The following EIF4G3 variants were observed in gnomAD, a reference collection of about 807,000 sequenced individuals.
EIF4G3 encodes the protein eIF-4-gamma 3.
EIF4G3 carries 34 observed loss-of-function variants against 186.4 expected under a neutral mutation model. The ratio of observed to expected loss-of-function variants is 0.18; its 90% CI spans 0.14 to 0.24. EIF4G3 has a LOEUF of 0.24. EIF4G3 is among the 10% of genes least tolerant of loss of function. The pLI is 1.00. For missense variants in EIF4G3, 1,536 were observed against 1,948.5 expected (o/e 0.79, Z 3.99); for synonymous variants, 673 against 679.5 (o/e 0.99, Z 0.15).
chr1:21,048,303 C>T (rs1323515817), intron 4 of EIF4G3, among the ~76,000 whole-genome samples: 1 of 152,146 alleles, frequency 6.6e-6, no homozygotes, highest in Non-Finnish European at 1.5e-5. Flanking sequence ...TGCCAGTTAT[C>T]AACTGCTTGT....
At chr1:21,175,112 C>T (rs1373701683) in intron 2 of EIF4G3, 7 of 152,196 alleles carry the variant, frequency 4.6e-5, no homozygotes, top group African/African-American at 1.7e-4. Context: ...AAACACAACA[C>T]ATCTAACATC....
chr1:21,113,517 T>C (rs1037029235), intron 2 of EIF4G3, among the ~76,000 whole-genome samples: 1 of 152,154 alleles, frequency 6.6e-6, no homozygotes, highest in Non-Finnish European at 1.5e-5. Flanking sequence ...TGATAGTTTT[T>C]AAAACTTAGG....
intron 29 of EIF4G3, among the ~76,000 whole-genome samples, chr1:20,844,139 G>C (rs929890488): frequency 1.3e-5 from 2 of 152,112 alleles, no homozygotes; most frequent in African/African-American, 4.8e-5. Flanking sequence ...GTCTTTATAA[G>C]AGAACAATTT....
chr1:20,939,015 G>A (rs967266117), intron 14 of EIF4G3, among the ~76,000 whole-genome samples: 10 of 151,678 alleles, frequency 6.6e-5, no homozygotes, highest in Admixed American at 2.6e-4. Context: ...GCTGAGGCAG[G>A]AGAATTGCTT....
At chr1:21,121,580 G>C (rs1287229963) in intron 2 of EIF4G3, among the ~76,000 whole-genome samples, 2 of 152,006 alleles carry the variant, frequency 1.3e-5, no homozygotes, top group Admixed American at 1.3e-4. Flanking sequence ...TTCAAGACCA[G>C]CCTGGCCAAC....
rs74058833 is a variant in EIF4G3, at chr1:21,154,644, A to G, written c.-272+21531T>C. 2.9e-3 allele frequency among the ~76,000 whole-genome samples: 435 copies of G among 152,336 alleles called. 5 individuals are homozygous for G. The highest frequency in any genetic ancestry group is 0.01 in the African/African-American group (423 of 41,582). ...ATATCCAACGGTTCATCTGAGCATTATACCCTGAACACAAATAGAAGTTCC... is the reference window on the plus strand; with the variant it reads ...ATATCCAACGGTTCATCTGAGCATTGTACCCTGAACACAAATAGAAGTTCC... On this transcript the variant is annotated intron_variant, in intron 2 of 36. Coordinates refer to ENST00000602326, the MANE Select transcript of EIF4G3 (RefSeq NM_001391906.1).
At chr1:20,874,710 A>C (rs917582814) in intron 20 of EIF4G3, among the ~76,000 whole-genome samples, 1 of 152,314 alleles carries the variant, frequency 6.6e-6, no homozygotes, top group East Asian at 1.9e-4. Context: ...AAAGATTATA[A>C]ATTTTAACAG....
intron 11 of EIF4G3, 120 bp from the exon 12 acceptor site, chr1:20,969,716 A>G (rs1318745403): frequency 2.3e-6 from 2 of 859,208 alleles, no homozygotes; most frequent in Admixed American, 2.6e-5. Context: ...GGTGATAATC[A>G]CCACATTTGA....
At chr1:20,948,680 T>A (rs186110644) in intron 13 of EIF4G3, among the ~76,000 whole-genome samples, 39 of 152,198 alleles carry the variant, frequency 2.6e-4, no homozygotes, top group African/African-American at 8.9e-4. Context: ...ATTAAATATA[T>A]CTATTTTATG....
chr1:20,940,925 ACT>A (rs2095688121), intron 14 of EIF4G3, among the ~76,000 whole-genome samples: 1 of 152,154 alleles, frequency 6.6e-6, no homozygotes. Context: ...AAAAAATAAA[ACT>A]GTTTCAAAAG....
intron 3 of EIF4G3, among the ~76,000 whole-genome samples, chr1:21,069,154 T>C (rs980986762): frequency 6.6e-6 from 1 of 152,196 alleles, no homozygotes. Flanking sequence ...TTAACTGATG[T>C]ATGTACACTC....
intron 2 of EIF4G3, among the ~76,000 whole-genome samples, chr1:21,148,830 GA>G (rs112859964): frequency 3.4e-5 from 5 of 145,036 alleles, no homozygotes; most frequent in South Asian, 2.2e-4. Context: ...GTCAAAAAAA[GA>G]AAAAAAAAAT....
chr1:20,993,477 C>T (rs925686538), intron 7 of EIF4G3, among the ~76,000 whole-genome samples: 22 of 152,248 alleles, frequency 1.4e-4, no homozygotes, highest in Non-Finnish European at 2.2e-4. Context: ...AAAAAGCCTA[C>T]CTAAATAATT....
rs554720163 is a variant in EIF4G3 at position 21,111,133 on chromosome 1, G to T, written c.-271-21920C>A. ...GAGACAATGAAAATTTAATTACATG[G>T]GCTATAAACTTAATCTGTCACTGAA... On this transcript the variant is annotated intron_variant, in intron 2 of 36. Transcript: ENST00000602326. 2.0e-5 allele frequency among the ~76,000 whole-genome samples: 3 copies of T among 152,202 alleles called. No individual in the cohort carries two copies. The East Asian group carries it at 5.8e-4, about 29-fold the overall frequency.
chr1:21,024,433 C>T (rs1571224780), intron 4 of EIF4G3, among the ~76,000 whole-genome samples: 1 of 152,074 alleles, frequency 6.6e-6, no homozygotes, highest in Middle Eastern at 3.4e-3. Flanking sequence ...ACAATGGCGG[C>T]TTTGTGGAAT....
At chr1:20,919,623 G>A (rs757668183) in intron 14 of EIF4G3, among the ~76,000 whole-genome samples, 10 of 152,094 alleles carry the variant, frequency 6.6e-5, no homozygotes, top group Non-Finnish European at 1.5e-4. Flanking sequence ...TAACTAATCT[G>A]AAATTAAGGC....
chr1:20,838,039 G>A (rs1387173662), intron 30 of EIF4G3, among the ~76,000 whole-genome samples: 1 of 152,170 alleles, frequency 6.6e-6, no homozygotes, highest in South Asian at 2.1e-4. Context: ...AGACACAGAA[G>A]TGTTAACCTC....
intron 3 of EIF4G3, chr1:21,064,730 C>G (rs2095138572): frequency 6.6e-6 from 1 of 152,106 alleles, no homozygotes; most frequent in Non-Finnish European, 1.5e-5. Flanking sequence ...TAGTAACAGT[C>G]TACACAAGCA....
In EIF4G3 at chr1:21,151,480, C is replaced by T. The variant is rs374031894; in HGVS notation, c.-272+24695G>A. ...GTCTTGATCTCCTGACCTCGTGATC[C>T]GCCCGCCTTGGCCTCACAAAGTGCT... On this transcript the variant is annotated intron_variant, in intron 2 of 36. Transcript: ENST00000602326. Among the ~76,000 whole-genome samples, 17 of 151,812 alleles carry T rather than the reference C, an allele frequency of 1.1e-4. No individual in the cohort carries two copies. In the East Asian group the frequency reaches 2.3e-3, roughly 21 times the overall value.
Sources: allele counts gnomAD v4.1 joint callset (sites outside exome capture counted in the v4.1 genomes callset), GRCh38; gene constraint gnomAD v4.1.1; transcripts MANE v1.5; gene names NCBI Gene and HGNC (gene_info 2026-07-23, HGNC 2026-07-21).